The following MALRD1 variants were observed in gnomAD, a reference collection of about 807,000 sequenced individuals.
MALRD1 encodes the protein MAM and LDL receptor class A domain containing 1, also known as MAM and LDL-receptor class A domain-containing protein 1.
Under a neutral mutation model 242.1 loss-of-function variants are expected in MALRD1, and 247 were observed. The ratio of observed to expected loss-of-function variants is 1.02; its 90% CI spans 0.92 to 1.13. The LOEUF (loss-of-function observed/expected upper bound fraction) is 1.13. Ranked by LOEUF, MALRD1 falls within the 50% of genes most tolerant of loss-of-function variation. The pLI, the probability that MALRD1 is intolerant of heterozygous loss-of-function variation, is 0.00. For missense variants in MALRD1, 2,989 were observed against 2,533.1 expected (o/e 1.18, Z -3.86); for synonymous variants, 995 against 866.6 (o/e 1.15, Z -2.60).
intron 34 of MALRD1, among the ~76,000 whole-genome samples, chr10:19,603,957 C>T (rs944633377): frequency 1.1e-4 from 16 of 152,176 alleles, no homozygotes; most frequent in Non-Finnish European, 1.6e-4. Flanking sequence ...TGGGTCTCCC[C>T]ATTCCCTGAG....
intron 29 of MALRD1, among the ~76,000 whole-genome samples, chr10:19,471,853 A>T (rs1002730148): frequency 1.3e-5 from 2 of 151,832 alleles, no homozygotes; most frequent in African/African-American, 4.8e-5. Context: ...TATATATAAG[A>T]TCATGTCATC....
chr10:19,125,161 G>T (rs1837213674), intron 7 of MALRD1, among the ~76,000 whole-genome samples: 1 of 151,684 alleles, frequency 6.6e-6, no homozygotes, highest in African/African-American at 2.4e-5. Flanking sequence ...GGCCAGGCTG[G>T]TATCAAACTC....
chr10:19,076,418 C>G (rs962759044), intron 2 of MALRD1, among the ~76,000 whole-genome samples: 1 of 151,956 alleles, frequency 6.6e-6, no homozygotes, highest in African/African-American at 2.4e-5. Flanking sequence ...CTTACACTTA[C>G]AGTTCCCTGT....
intron 21 of MALRD1, among the ~76,000 whole-genome samples, chr10:19,312,534 A>C (rs1345548321): frequency 6.6e-6 from 1 of 151,128 alleles, no homozygotes; most frequent in Non-Finnish European, 1.5e-5. Flanking sequence ...AAGTGTTTCA[A>C]TATGTGAATA....
intron 26 of MALRD1, among the ~76,000 whole-genome samples, chr10:19,372,232 T>A (rs1461288418): frequency 6.6e-6 from 1 of 152,132 alleles, no homozygotes; most frequent in Non-Finnish European, 1.5e-5. Flanking sequence ...AAACAAAAAT[T>A]ATAACAACTC....
At chr10:19,636,741 A>G (rs2131666748) in intron 36 of MALRD1, among the ~76,000 whole-genome samples, 1 of 152,088 alleles carries the variant, frequency 6.6e-6, no homozygotes, top group Admixed American at 6.6e-5. Context: ...TCTACTAAAA[A>G]TACAAAACTT....
intron 13 of MALRD1, among the ~76,000 whole-genome samples, chr10:19,172,607 A>G (rs1290871108): frequency 1.1e-4 from 17 of 151,402 alleles, no homozygotes; most frequent in Non-Finnish European, 1.5e-5. Flanking sequence ...CACCCATTCC[A>G]TTCAAATAAT....
In MALRD1 at chr10:19,361,668, T is replaced by G. The variant is rs141650963; in HGVS notation, c.4441+9371T>G. Among the ~76,000 whole-genome samples, 529 of 152,264 alleles carry G rather than the reference T, an allele frequency of 3.5e-3. 4 individuals carry two copies. Among genetic ancestry groups the G allele is most frequent in the African/African-American group, 0.012 (510 of 41,574 alleles). On this transcript the variant is annotated intron_variant, in intron 26 of 39. Coordinates refer to ENST00000454679, the MANE Select transcript of MALRD1 (RefSeq NM_001142308.3). ...ATCAAGAAAGATGTTCTGTGACTTCTGTATTGGTAGTCGGTTTCATGGAGA... is the reference window on the plus strand; with the variant it reads ...ATCAAGAAAGATGTTCTGTGACTTCGGTATTGGTAGTCGGTTTCATGGAGA...
intron 18 of MALRD1, among the ~76,000 whole-genome samples, chr10:19,211,007 A>G (rs946438033): frequency 6.6e-6 from 1 of 152,236 alleles, no homozygotes; most frequent in African/African-American, 2.4e-5. Flanking sequence ...TGAAATGGAA[A>G]GGAAGTCCTT....
intron 13 of MALRD1, among the ~76,000 whole-genome samples, chr10:19,170,807 C>A (rs1230791505): frequency 6.6e-6 from 1 of 152,046 alleles, no homozygotes; most frequent in Admixed American, 6.6e-5. Context: ...TCTTCTGTTT[C>A]TTTCACCTTA....
intron 36 of MALRD1, among the ~76,000 whole-genome samples, chr10:19,641,615 C>G (rs540418039): frequency 6.6e-6 from 1 of 152,032 alleles, no homozygotes; most frequent in Non-Finnish European, 1.5e-5. Context: ...AAAACAGGAC[C>G]TTCAGAAACC....
intron 1 of MALRD1, among the ~76,000 whole-genome samples, chr10:19,058,454 T>C (rs528018046): frequency 1.1e-4 from 16 of 152,344 alleles, no homozygotes; most frequent in Non-Finnish European, 1.9e-4. Flanking sequence ...TGATGTGTAA[T>C]AGATTTTCAA....
Position 19,607,540 on chromosome 10 carries a change from TC to T in MALRD1, c.5945-234del, listed in dbSNP as rs777739765. ...ATGTTGAGGTGAGGACACAATTCAGTCCCTAAGAATGCACATCTGCGAAGTG... is the reference window on the plus strand; with the variant it reads ...ATGTTGAGGTGAGGACACAATTCAGTCCTAAGAATGCACATCTGCGAAGTG... On this transcript the variant is annotated intron_variant, in intron 34 of 39. Transcript: ENST00000454679. Among the ~76,000 whole-genome samples, 12 of 152,256 alleles carry T rather than the reference TC, an allele frequency of 7.9e-5. No individual in the cohort carries two copies. The Middle Eastern group carries it at 0.017, about 216-fold the overall frequency.
At chr10:19,449,611 T>C (rs971310279) in intron 28 of MALRD1, among the ~76,000 whole-genome samples, 5 of 152,142 alleles carry the variant, frequency 3.3e-5, no homozygotes, top group African/African-American at 1.2e-4. Context: ...TAAAAATTTT[T>C]TTGAGGGAAG....
intron 38 of MALRD1, among the ~76,000 whole-genome samples, chr10:19,703,854 C>T (rs966290699): frequency 1.3e-5 from 2 of 152,100 alleles, no homozygotes; most frequent in Non-Finnish European, 2.9e-5. Context: ...GAGATTGTGC[C>T]ACTGCACTCC....
chr10:19,306,397 C>T (rs978608548), intron 21 of MALRD1, among the ~76,000 whole-genome samples: 2 of 97,548 alleles, frequency 2.1e-5, no homozygotes, highest in African/African-American at 3.8e-5. Context: ...TATATAGTGT[C>T]GTATATGTAC....
intron 33 of MALRD1, among the ~76,000 whole-genome samples, chr10:19,572,312 G>A (rs1291799100): frequency 1.3e-5 from 2 of 152,120 alleles, no homozygotes; most frequent in African/African-American, 4.8e-5. Context: ...TGTGTTTTCT[G>A]TTTTACTTCT....
At chr10:19,096,034 G>T (rs562247932) in intron 4 of MALRD1, among the ~76,000 whole-genome samples, 227 of 152,258 alleles carry the variant, frequency 1.5e-3, no homozygotes, top group African/African-American at 5.3e-3. Context: ...GATGGTATGG[G>T]AGTCTTAAAT....
At chr10:19,051,168 G>C (rs1049188986) in intron 1 of MALRD1, among the ~76,000 whole-genome samples, 1 of 152,032 alleles carries the variant, frequency 6.6e-6, no homozygotes, top group Non-Finnish European at 1.5e-5. Context: ...TATCACACTG[G>C]AAGAAACTAT....
Sources: allele counts gnomAD v4.1 joint callset (sites outside exome capture counted in the v4.1 genomes callset), GRCh38; gene constraint gnomAD v4.1.1; transcripts MANE v1.5; gene names NCBI Gene and HGNC (gene_info 2026-07-23, HGNC 2026-07-21).